Variants in PCNX1 observed in about 807,000 individuals in gnomAD.
PCNX1 encodes pecanex 1.
Under a neutral mutation model 242.2 loss-of-function variants are expected in PCNX1, and 78 were observed. That is an observed-to-expected ratio of 0.32 (90% CI 0.27 to 0.39). The LOEUF (loss-of-function observed/expected upper bound fraction) is 0.39, where lower values mean the gene tolerates loss of function less well. PCNX1 is among the 10% of genes least tolerant of loss of function. The probability of loss-of-function intolerance (pLI) is 1.00; values close to 1 mark genes in which losing one functional copy is unlikely to be tolerated. For synonymous variants in PCNX1, 1,024 were observed against 1,032.9 expected (o/e 0.99, Z 0.17); for missense variants, 2,581 against 2,856.5 (o/e 0.90, Z 2.20).
rs2058738306 is a variant in PCNX1 at position 70,978,217 on chromosome 14, G to T, written c.1880G>T (p.Ser627Ile). The change falls in exon 6 of 36, where the codon AGC becomes ATC. Residue 627 changes from serine (S) to isoleucine (I), a missense_variant. Around this residue, in one of 9 missense-constraint regions of PCNX1, gnomAD observed 1,204 missense variants for 1,216.7 expected, o/e 0.99. Coordinates refer to ENST00000304743, the MANE Select transcript of PCNX1 (RefSeq NM_014982.3). ...AHQFSSDSSS[S>I]TTSHSCQSPE... Reference sequence around the variant, plus strand: ...CAGTTCAGCAGTGATAGCTCTTCTAGCACCACTTCTCATTCCTGTCAGTCT... The same window carrying T: ...CAGTTCAGCAGTGATAGCTCTTCTATCACCACTTCTCATTCCTGTCAGTCT... 6.2e-7 allele frequency: 1 copy of T among 1,614,034 alleles called. No individual in the cohort carries two copies. The highest frequency in any genetic ancestry group is 1.6e-4 in the Middle Eastern group (1 of 6,062).
chr14:71,076,502 C>G, intron 28 of PCNX1, 83 bp downstream of exon 28: 2 of 867,666 alleles, frequency 2.3e-6, no homozygotes, highest in Non-Finnish European at 1.8e-6. Context: ...CTTATGAGGT[C>G]AGTTTTTCAA....
intron 6 of PCNX1, 105 bp downstream of exon 6, chr14:70,978,753 C>T (rs1261424722): frequency 9.9e-7 from 1 of 1,007,254 alleles, no homozygotes. Context: ...TTCCCCCTTC[C>T]ACTGTGTTAT....
chr14:70,936,014 T>C (rs1220575911), intron 1 of PCNX1, among the ~76,000 whole-genome samples: 1 of 152,228 alleles, frequency 6.6e-6, no homozygotes, highest in East Asian at 1.9e-4. Flanking sequence ...CAGTTTGTGT[T>C]GTGTGTTTGA....
intron 28 of PCNX1, among the ~76,000 whole-genome samples, chr14:71,078,452 A>G (rs962023734): frequency 6.6e-6 from 1 of 152,180 alleles, no homozygotes; most frequent in Non-Finnish European, 1.5e-5. Context: ...ATTACCTTCA[A>G]TGGGAAAATG....
intron 24 of PCNX1, 48 bp downstream of exon 24, chr14:71,052,060 G>A (rs1444279793): frequency 1.4e-6 from 2 of 1,391,982 alleles, no homozygotes; most frequent in Non-Finnish European, 2.0e-6. Context: ...TTTCCTACTG[G>A]GAAAAACTAT....
chr14:71,034,467 A>AAAACTGTG (rs2060474976), intron 18 of PCNX1, among the ~76,000 whole-genome samples: 1 of 152,192 alleles, frequency 6.6e-6, no homozygotes, highest in Non-Finnish European at 1.5e-5. Context: ...GGCCCATCTG[A>AAAACTGTG]AAACTGTGTG....
In PCNX1 at chr14:71,047,896, T is replaced by C. The variant is rs1178754256; in HGVS notation, c.4250T>C (p.Phe1417Ser). 1.2e-6 allele frequency: 2 copies of C among 1,613,500 alleles called. No homozygotes were observed. Among genetic ancestry groups the C allele is most frequent in the Non-Finnish European group, 1.7e-6 (2 of 1,179,536 alleles). Reference sequence around the variant, plus strand: ...ACATATCAGTATGTTACAGTCATCTTTACTGTGCTGTTTTTCAAATTTGAC... The same window carrying C: ...ACATATCAGTATGTTACAGTCATCTCTACTGTGCTGTTTTTCAAATTTGAC... ...SPTYQYVTVI[F>S]TVLFFKFDYE... is the part of the protein sequence containing the mutation. The change falls in exon 22 of 36, where the codon TTT becomes TCT. Residue 1417 changes from phenylalanine to serine, a missense_variant. Phe to Ser is a radical substitution (Grantham distance 155, BLOSUM62 -2). Around this residue, in one of 9 missense-constraint regions of PCNX1, gnomAD observed 432 missense variants for 443.1 expected, o/e 0.97. Coordinates refer to ENST00000304743, the MANE Select transcript of PCNX1 (RefSeq NM_014982.3).
In PCNX1 at chr14:71,097,717, C is replaced by T. The variant is rs369625403; in HGVS notation, c.5590-4273C>T. On this transcript the variant is annotated intron_variant, in intron 30 of 35. Transcript: ENST00000304743. ...ATGCATAGTTTGTGAATAGTTTCTC[C>T]CATCCTGTAGGTTGTCAGTTTACTC... 4.6e-5 allele frequency among the ~76,000 whole-genome samples: 7 copies of T among 152,188 alleles called. 1 individual carries two copies. The East Asian group carries it at 7.7e-4, about 17-fold the overall frequency.
chr14:70,964,086 A>G (rs2058304916), intron 3 of PCNX1, among the ~76,000 whole-genome samples: 1 of 151,828 alleles, frequency 6.6e-6, no homozygotes, highest in Non-Finnish European at 1.5e-5. Context: ...TTTTTTTCTG[A>G]GATAGAATCT....
chr14:71,090,703 A>G (rs911958586), intron 30 of PCNX1, among the ~76,000 whole-genome samples: 30 of 152,258 alleles, frequency 2.0e-4, no homozygotes, highest in Non-Finnish European at 3.7e-4. Flanking sequence ...AAAGGTACCA[A>G]CTATGTATCT....
chr14:71,046,971 C>A lies in PCNX1; in HGVS notation c.4026C>A (p.Ala1342=). Residue 1342 remains alanine, a synonymous_variant, in exon 21 of 36, where the codon GCC becomes GCA. Transcript: ENST00000304743. ...TTTATACTGCCTTGTTAGATGCAGCCACTATGATGTGGTTTGAGAAACTTC... is the reference window on the plus strand; with the variant it reads ...TTTATACTGCCTTGTTAGATGCAGCAACTATGATGTGGTTTGAGAAACTTC... The part of the protein sequence containing the change: ...EYNQYEVRNA[A]TMMWFEKLHV... 1 of 1,608,076 alleles carries A rather than the reference C, an allele frequency of 6.2e-7. No homozygotes were observed. Among genetic ancestry groups the A allele is most frequent in the Admixed American group, 1.7e-5 (1 of 59,696 alleles).
chr14:71,110,759 G>A lies in PCNX1; in HGVS notation c.*824G>A, dbSNP rs892682036. On this transcript the variant is annotated 3_prime_UTR_variant, in exon 36 of 36. Transcript: ENST00000304743. ...CATTTCCCAGAGCCAATAGTCAGCG[G>A]ATCGGTCTTGTGAACACCACTGCCA... 2 of 152,698 alleles carry A rather than the reference G, an allele frequency of 1.3e-5. No homozygotes were observed. The highest frequency in any genetic ancestry group is 2.9e-5 in the Non-Finnish European group (2 of 68,080). The allele number at this position is 152,698 out of a possible 1,614,324, so 9.5% of individuals were successfully genotyped here. A position where few individuals can be genotyped will look rare whatever the true frequency, so the allele number is the denominator to read the frequency against.
At chr14:70,956,079 A>G (rs2140415065) in intron 2 of PCNX1, among the ~76,000 whole-genome samples, 1 of 152,240 alleles carries the variant, frequency 6.6e-6, no homozygotes, top group East Asian at 1.9e-4. Context: ...TCTAGTGGGT[A>G]AAGGCCAGAG....
At chr14:71,055,466 T>G in intron 24 of PCNX1, 38 bp from the exon 25 acceptor site, 1 of 1,200,560 alleles carries the variant, frequency 8.3e-7, no homozygotes, top group South Asian at 1.2e-5. Flanking sequence ...TATTTTTTAA[T>G]GTAAAGAAAG....
intron 13 of PCNX1, among the ~76,000 whole-genome samples, chr14:71,023,841 T>C (rs1469046376): frequency 6.6e-6 from 1 of 152,158 alleles, no homozygotes; most frequent in African/African-American, 2.4e-5. Context: ...ATGAATAGTT[T>C]ATGATTTTTT....
chr14:70,935,728 C>G (rs2056975300), intron 1 of PCNX1, among the ~76,000 whole-genome samples: 1 of 152,146 alleles, frequency 6.6e-6, no homozygotes, highest in Non-Finnish European at 1.5e-5. Flanking sequence ...TACAGTGGAA[C>G]TCTTTATTTT....
intron 1 of PCNX1, among the ~76,000 whole-genome samples, chr14:70,928,943 C>T (rs1023804511): frequency 6.6e-6 from 1 of 152,184 alleles, no homozygotes; most frequent in African/African-American, 2.4e-5. Flanking sequence ...ACCTTAATCT[C>T]ATCAGAAAAC....
At chr14:71,007,590 A>G (rs974259591) in intron 8 of PCNX1, among the ~76,000 whole-genome samples, 1 of 152,158 alleles carries the variant, frequency 6.6e-6, no homozygotes, top group African/African-American at 2.4e-5. Context: ...TTGTTAATCC[A>G]TGATTTAGTC....
At chr14:71,001,177 C>T (rs2059495923) in intron 8 of PCNX1, among the ~76,000 whole-genome samples, 1 of 152,030 alleles carries the variant, frequency 6.6e-6, no homozygotes, top group Admixed American at 6.5e-5. Context: ...CATTGTTAGT[C>T]TTCACACTGT....
Sources: allele counts gnomAD v4.1 joint callset (sites outside exome capture counted in the v4.1 genomes callset), GRCh38; gene constraint gnomAD v4.1.1; regional missense constraint gnomAD v4.1.1; transcripts MANE v1.5; gene names NCBI Gene and HGNC (gene_info 2026-07-23, HGNC 2026-07-21).